The following IMPA2 variants were observed in gnomAD, a reference collection of about 807,000 sequenced individuals.
IMPA2 encodes inositol monophosphatase 2.
IMPA2 carries 32 observed loss-of-function variants against 35.1 expected under a neutral mutation model. The ratio of observed to expected loss-of-function variants is 0.91; its 90% CI spans 0.69 to 1.23. IMPA2 has a LOEUF of 1.23. Among genes scored for constraint, IMPA2 ranks in the 50% most tolerant of loss-of-function variants. The probability of loss-of-function intolerance (pLI) is 0.00; values close to 1 mark genes in which losing one functional copy is unlikely to be tolerated. For missense variants in IMPA2, 334 were observed against 387.6 expected, an observed-to-expected ratio of 0.86 and a Z score of 1.16; for synonymous variants, 135 against 160.6, an observed-to-expected ratio of 0.84 and a Z score of 1.20.
chr18:12,028,311 C>G, intron 6 of IMPA2, 160 bp downstream of exon 6: 2 of 609,056 alleles, frequency 3.3e-6, no homozygotes, highest in Admixed American at 5.7e-5. Flanking sequence ...AGGGGCCCGC[C>G]TGCAGTAGAT....
At chr18:12,027,357 G>C (rs548148635) in intron 5 of IMPA2, among the ~76,000 whole-genome samples, 1 of 152,274 alleles carries the variant, frequency 6.6e-6, no homozygotes, top group Middle Eastern at 3.4e-3. Flanking sequence ...TGAATTCCAG[G>C]TGTCGGCACC....
chr18:12,024,972 G>T (rs1013595971), intron 5 of IMPA2, among the ~76,000 whole-genome samples: 1 of 152,050 alleles, frequency 6.6e-6, no homozygotes, highest in African/African-American at 2.4e-5. Context: ...GTGTTGTAAG[G>T]CATCCACCAT....
At chr18:12,014,692 G>A (rs1243077777) in intron 5 of IMPA2, among the ~76,000 whole-genome samples, 2 of 152,110 alleles carry the variant, frequency 1.3e-5, no homozygotes, top group African/African-American at 4.8e-5. Flanking sequence ...CCAGGTGCTT[G>A]TTCCCCTCAG....
At chr18:12,013,684 C>G (rs939677076) in intron 4 of IMPA2, among the ~76,000 whole-genome samples, 39 of 152,330 alleles carry the variant, frequency 2.6e-4, no homozygotes, top group African/African-American at 8.2e-4. Flanking sequence ...CCTTTTGCTG[C>G]TTCATCCTGG....
At chr18:12,009,352 C>CG (rs1007891600) in intron 2 of IMPA2, among the ~76,000 whole-genome samples, 2 of 151,944 alleles carry the variant, frequency 1.3e-5, no homozygotes, top group Non-Finnish European at 2.9e-5. Flanking sequence ...GAACCAGCTG[C>CG]GGGGGGGCTC....
At chr18:11,994,913 T>TC (rs369114945) in intron 1 of IMPA2, 1 of 152,770 alleles carries the variant, frequency 6.5e-6, no homozygotes, top group East Asian at 1.9e-4. Flanking sequence ...AGCTGGAGGC[T>TC]CCTCATGTGG....
At chr18:11,996,729 G>A (rs1906968061) in intron 1 of IMPA2, among the ~76,000 whole-genome samples, 1 of 152,134 alleles carries the variant, frequency 6.6e-6, no homozygotes, top group Non-Finnish European at 1.5e-5. Context: ...GTGCAGCACA[G>A]TCTGCCCTTC....
chr18:12,028,722 G>A lies in IMPA2; in HGVS notation c.600-120G>A, dbSNP rs572786207. On this transcript the variant is annotated intron_variant, in intron 6 of 7. Coordinates refer to ENST00000269159, the MANE Select transcript of IMPA2 (RefSeq NM_014214.3). Reference sequence around the variant, plus strand: ...CAGCCTCCAGAGCTTTGGCAGAAGTGCTGTGCTTCATTTTTCACTAGGGAA... The same window carrying A: ...CAGCCTCCAGAGCTTTGGCAGAAGTACTGTGCTTCATTTTTCACTAGGGAA... 6.2e-4 allele frequency: 715 copies of A among 1,160,666 alleles called. 1 individual carries two copies. Among genetic ancestry groups the A allele is most frequent in the Non-Finnish European group, 8.1e-4 (665 of 818,940 alleles). 71.9% of individuals were successfully genotyped at this position (1,160,666 alleles called of 1,614,324 possible).
At chr18:11,998,925 G>GCCCCCCCCCCCCCCCC (rs1568029836) in intron 1 of IMPA2, 129 bp from the exon 2 acceptor site, 1 of 37,152 alleles carries the variant, frequency 2.7e-5, no homozygotes, top group Non-Finnish European at 4.7e-5. Flanking sequence ...TGCTGCCCCC[G>GCCCCCCCCCCCCCCCC]CCGCCCCCCC....
intron 1 of IMPA2, among the ~76,000 whole-genome samples, chr18:11,986,032 G>T (rs1213766936): frequency 6.6e-6 from 1 of 152,182 alleles, no homozygotes; most frequent in Non-Finnish European, 1.5e-5. Context: ...GCAAGTGGGG[G>T]CCTTGATGCT....
At chr18:12,004,439 T>C (rs2143796528) in intron 2 of IMPA2, among the ~76,000 whole-genome samples, 1 of 152,318 alleles carries the variant, frequency 6.6e-6, no homozygotes, top group Non-Finnish European at 1.5e-5. Flanking sequence ...TTAATCCAGT[T>C]GCTATTTTCC....
At position 12,030,357 on chromosome 18, in the gene IMPA2, C is replaced by T. The variant is rs771795951; in HGVS notation, c.766C>T (p.Leu256Phe). 4 of 1,614,224 alleles carry T rather than the reference C, an allele frequency of 2.5e-6. No homozygotes were observed. In the Admixed American group the frequency reaches 5.0e-5, roughly 20 times the overall value. The change falls in exon 8 of 8, where the codon CTC (leucine) becomes TTC (phenylalanine). Residue 256 changes from leucine (L) to phenylalanine (F), a missense_variant. By Grantham distance (22) the Leu-to-Phe change is conservative. Transcript: ENST00000269159. ...TCTGTCCCCAGGTGGACCCCTCGAC[C>T]TCATGGCTTGCAGAGTGGTTGCGGC... ...VIDTSGGPLD[L>F]MACRVVAAST...
In IMPA2 at chr18:11,991,914, G is replaced by T. The variant is rs1425478385; in HGVS notation, c.97-7140G>T. Among the ~76,000 whole-genome samples, 1 of 151,146 alleles carries T rather than the reference G, an allele frequency of 6.6e-6. No individual in the cohort carries two copies. Among genetic ancestry groups the T allele is most frequent in the East Asian group, 2.0e-4 (1 of 5,118 alleles). ...GATGGAGTGCAGTGGCGTAATCTTGGCTCACCGCAACCTCCACCTCCTGGG... is the reference window on the plus strand; with the variant it reads ...GATGGAGTGCAGTGGCGTAATCTTGTCTCACCGCAACCTCCACCTCCTGGG... On this transcript the variant is annotated intron_variant, in intron 1 of 7. Transcript: ENST00000269159. This position sits in a 1 kb window ranked among gnomAD's most constrained non-coding sequence, Gnocchi z 4.1.
chr18:12,030,431 T>G lies in IMPA2; in HGVS notation c.840T>G (p.Ile280Met), dbSNP rs1908015759. ...TCATAGCTCAGGCCTTACAGACGAT[T>G]AACTATGGGCGGGATGATGAGAAGT... is the stretch of plus-strand genomic sequence containing the variant. ...AMLIAQALQT[I>M]NYGRDDEK Residue 280 changes from isoleucine to methionine, a missense_variant, in exon 8 of 8, where the codon ATT (isoleucine) becomes ATG (methionine). Transcript: ENST00000269159. The G allele has an allele frequency of 6.2e-7, 1 of 1,614,126 alleles. No homozygotes were observed. The highest frequency in any genetic ancestry group is 2.2e-5 in the East Asian group (1 of 44,868).
Position 11,981,828 on chromosome 18 carries a change from G to A in IMPA2, c.96+63G>A, listed in dbSNP as rs1272170909. 12 of 1,079,950 alleles carry A rather than the reference G, an allele frequency of 1.1e-5. No individual in the cohort carries two copies. The East Asian group carries it at 1.3e-4, about 12-fold the overall frequency. The allele number at this position is 1,079,950 out of a possible 1,614,324, so 66.9% of individuals were successfully genotyped here. The stretch of plus-strand genomic sequence containing the variant: ...CAGAAGCGCGTGGGCCTTGGGAGCC[G>A]CCTGGAGTGGCGGGGTCCTGGCGCG... On this transcript the variant is annotated intron_variant, in intron 1 of 7. Transcript: ENST00000269159.
chr18:11,996,040 T>G (rs1906950467), intron 1 of IMPA2, among the ~76,000 whole-genome samples: 1 of 151,852 alleles, frequency 6.6e-6, no homozygotes, highest in African/African-American at 2.4e-5. Flanking sequence ...CGAAGGGAAG[T>G]AGAAAGAGCT....
chr18:12,002,725 C>A (rs186726401), intron 2 of IMPA2, among the ~76,000 whole-genome samples: 1 of 148,446 alleles, frequency 6.7e-6, no homozygotes, highest in Non-Finnish European at 1.5e-5. Flanking sequence ...GATGCTGCCA[C>A]TGCAGTCTAG....
At chr18:12,028,680 G>A (rs1429718079) in intron 6 of IMPA2, 162 bp from the exon 7 acceptor site, 1 of 798,598 alleles carries the variant, frequency 1.3e-6, no homozygotes, top group Non-Finnish European at 2.0e-6. Context: ...TTGGTTGGTG[G>A]CTCCAGGCCC....
At chr18:12,012,068 T>C (rs1227280946) in intron 3 of IMPA2, 102 bp from the exon 4 acceptor site, 1 of 993,698 alleles carries the variant, frequency 1.0e-6, no homozygotes, top group East Asian at 2.4e-5. Flanking sequence ...ACCCAGAGTG[T>C]AGGAAGGTCC....
Sources: gnomAD v4.1 joint callset for allele counts (sites outside exome capture counted in the v4.1 genomes callset) on GRCh38, gnomAD v4.1.1 for gene constraint, Gnocchi (gnomAD v3.1) non-coding constraint, MANE v1.5 for transcripts, NCBI Gene and HGNC (gene_info 2026-07-23, HGNC 2026-07-21) for gene names.